Variants in PLXDC2 observed in about 807,000 individuals in gnomAD.
PLXDC2 encodes plexin domain containing 2.
A neutral mutation model predicts 68.9 loss-of-function variants in PLXDC2; 40 were observed. The observed-to-expected ratio is 0.58, with a 90% CI of 0.45 to 0.76. The LOEUF is 0.76. Ranked by LOEUF, PLXDC2 falls within the 30% of genes least tolerant of loss-of-function variation. The pLI, the probability that PLXDC2 is intolerant of heterozygous loss-of-function variation, is 0.00. For missense variants in PLXDC2, 644 were observed against 661.9 expected (o/e 0.97, Z 0.30); for synonymous variants, 243 against 234.2 (o/e 1.04, Z -0.34).
At chr10:20,262,711 A>G (rs1407347371) in intron 13 of PLXDC2, among the ~76,000 whole-genome samples, 1 of 152,216 alleles carries the variant, frequency 6.6e-6, no homozygotes, top group Non-Finnish European at 1.5e-5. Flanking sequence ...TTACTGTTTC[A>G]TAGTTTTCAC....
chr10:19,931,562 T>C (rs1371527090), intron 1 of PLXDC2, among the ~76,000 whole-genome samples: 1 of 152,222 alleles, frequency 6.6e-6, no homozygotes, highest in Non-Finnish European at 1.5e-5. Flanking sequence ...CTCCTTCTAA[T>C]GCCAGTAATG....
intron 4 of PLXDC2, among the ~76,000 whole-genome samples, chr10:20,127,624 A>G (rs1833810647): frequency 6.6e-6 from 1 of 152,178 alleles, no homozygotes; most frequent in African/African-American, 2.4e-5. Flanking sequence ...ATATATGGGC[A>G]TCTTCCTTCC....
At chr10:19,985,160 T>C (rs1345644948) in intron 1 of PLXDC2, among the ~76,000 whole-genome samples, 1 of 152,250 alleles carries the variant, frequency 6.6e-6, no homozygotes, top group African/African-American at 2.4e-5. Context: ...TGAGATGCTT[T>C]GGTCAGATTT....
At chr10:20,112,191 G>A (rs532649835) in intron 4 of PLXDC2, among the ~76,000 whole-genome samples, 5 of 152,258 alleles carry the variant, frequency 3.3e-5, no homozygotes, top group African/African-American at 1.2e-4. Flanking sequence ...AGAATTGTAA[G>A]AGAATAAATT....
At chr10:20,271,797 G>C (rs1835944296) in intron 13 of PLXDC2, among the ~76,000 whole-genome samples, 1 of 152,158 alleles carries the variant, frequency 6.6e-6, no homozygotes, top group Non-Finnish European at 1.5e-5. Flanking sequence ...CCATGTAATA[G>C]CCAGGCTCTG....
intron 1 of PLXDC2, among the ~76,000 whole-genome samples, chr10:19,950,990 A>G (rs1380092330): frequency 6.6e-6 from 1 of 152,206 alleles, no homozygotes; most frequent in Non-Finnish European, 1.5e-5. Context: ...ATATATAAAA[A>G]TTAACTGAAG....
chr10:19,816,982 C>A lies in PLXDC2; in HGVS notation c.-98C>A, dbSNP rs1385309947. On this transcript the variant is annotated 5_prime_UTR_variant, in exon 1 of 14. Transcript: ENST00000377252. ...AAAGGCCTCCGGGTCCTACCGAGAC[C>A]GATCCGCAGCGTTTGGCCCGGTCGT... The A allele has an allele frequency of 1.2e-6, 1 of 855,976 alleles. No individual in the cohort carries two copies. The highest frequency in any genetic ancestry group is 1.8e-6 in the Non-Finnish European group (1 of 541,858). 53.0% of individuals were successfully genotyped at this position (855,976 alleles called of 1,614,324 possible).
At chr10:19,926,532 C>T (rs1007300486) in intron 1 of PLXDC2, among the ~76,000 whole-genome samples, 1 of 151,986 alleles carries the variant, frequency 6.6e-6, no homozygotes, top group African/African-American at 2.4e-5. Context: ...AGCCAGTTAT[C>T]GGAAAGGGCT....
At chr10:20,061,137 G>A (rs770847243) in intron 3 of PLXDC2, among the ~76,000 whole-genome samples, 5 of 152,196 alleles carry the variant, frequency 3.3e-5, no homozygotes, top group African/African-American at 7.2e-5. Flanking sequence ...ACAAATTCAC[G>A]TTGGTACTAT....
intron 2 of PLXDC2, among the ~76,000 whole-genome samples, chr10:20,017,031 T>C (rs1485234226): frequency 5.3e-5 from 8 of 152,228 alleles, no homozygotes; most frequent in Non-Finnish European, 8.8e-5. Flanking sequence ...CTGCTTTCTC[T>C]CCTAGGCAAT....
chr10:19,958,188 ACTT>A (rs957948782), intron 1 of PLXDC2, among the ~76,000 whole-genome samples: 9 of 152,030 alleles, frequency 5.9e-5, no homozygotes, highest in Non-Finnish European at 1.3e-4. Flanking sequence ...ATAACAACCT[ACTT>A]CTTTATCACC....
At chr10:20,172,591 A>G (rs755292024) in intron 7 of PLXDC2, among the ~76,000 whole-genome samples, 2 of 152,166 alleles carry the variant, frequency 1.3e-5, no homozygotes, top group Non-Finnish European at 1.5e-5. Context: ...TGGGGTGTCC[A>G]TCACCTTGAG....
intron 9 of PLXDC2, among the ~76,000 whole-genome samples, chr10:20,196,948 T>C (rs1419463797): frequency 6.6e-6 from 1 of 152,148 alleles, no homozygotes; most frequent in African/African-American, 2.4e-5. Context: ...CCATTGTTCT[T>C]AGTGCCTGCA....
chr10:19,899,607 A>G (rs1564623315), intron 1 of PLXDC2, among the ~76,000 whole-genome samples: 1 of 152,188 alleles, frequency 6.6e-6, no homozygotes, highest in African/African-American at 2.4e-5. Flanking sequence ...TTTGCTAGTA[A>G]TTGTAAATTT....
intron 2 of PLXDC2, among the ~76,000 whole-genome samples, chr10:20,025,490 G>A (rs544679994): frequency 3.3e-5 from 5 of 152,088 alleles, no homozygotes; most frequent in African/African-American, 7.2e-5. Flanking sequence ...TTGAACTCCC[G>A]ACCTCAGGTG....
At chr10:20,172,096 C>T (rs919181473) in intron 7 of PLXDC2, among the ~76,000 whole-genome samples, 4 of 151,954 alleles carry the variant, frequency 2.6e-5, no homozygotes, top group African/African-American at 4.8e-5. Flanking sequence ...TACATTTATA[C>T]GAATTTAAAA....
chr10:20,283,581 T>G lies in PLXDC2; in HGVS notation c.*3762T>G, dbSNP rs1013128099. The G allele has an allele frequency of 6.6e-6, 1 of 152,200 alleles. No individual in the cohort carries two copies. The highest frequency in any genetic ancestry group is 2.4e-5 in the African/African-American group (1 of 41,456). The allele number at this position is 152,200 out of a possible 1,614,324, so 9.4% of individuals were successfully genotyped here. A position where few individuals can be genotyped will look rare whatever the true frequency, so the allele number is the denominator to read the frequency against. ...TTTCTTTTCTGCCCATCTGAATATT[T>G]CCTTTAGTATTTGTCCCACATGACA... On this transcript the variant is annotated 3_prime_UTR_variant, in exon 14 of 14. Coordinates refer to ENST00000377252, the MANE Select transcript of PLXDC2 (RefSeq NM_032812.9).
intron 4 of PLXDC2, among the ~76,000 whole-genome samples, chr10:20,136,164 C>T (rs958904570): frequency 6.6e-6 from 1 of 152,146 alleles, no homozygotes; most frequent in African/African-American, 2.4e-5. Flanking sequence ...TTTGCAAATA[C>T]AAGCCGATAT....
At chr10:19,838,997 C>T (rs1272382861) in intron 1 of PLXDC2, among the ~76,000 whole-genome samples, 1 of 151,996 alleles carries the variant, frequency 6.6e-6, no homozygotes, top group African/African-American at 2.4e-5. Context: ...ACCAGCCTGG[C>T]CAACATGGTG....
Sources: allele counts gnomAD v4.1 joint callset (sites outside exome capture counted in the v4.1 genomes callset), GRCh38; gene constraint gnomAD v4.1.1; transcripts MANE v1.5; gene names NCBI Gene and HGNC (gene_info 2026-07-23, HGNC 2026-07-21).